The following NELL2 variants were observed in gnomAD, a reference collection of about 807,000 sequenced individuals.
NELL2 encodes the protein protein kinase C-binding protein NELL2.
A neutral mutation model predicts 109.6 loss-of-function variants in NELL2; 41 were observed. That is an observed-to-expected ratio of 0.37 (90% CI 0.29 to 0.49). NELL2 has a LOEUF of 0.49. Ranked by LOEUF, NELL2 falls within the 20% of genes least tolerant of loss-of-function variation. NELL2 has a pLI of 0.98. For missense variants in NELL2, 900 were observed against 1,008.3 expected (o/e 0.89, Z 1.45); for synonymous variants, 355 against 344.7 (o/e 1.03, Z -0.33).
intron 13 of NELL2, among the ~76,000 whole-genome samples, chr12:44,643,182 T>C (rs1344299522): frequency 1.3e-5 from 2 of 152,128 alleles, no homozygotes; most frequent in East Asian, 3.9e-4. Flanking sequence ...CCTAAGAATA[T>C]TATCAGGGAG....
At chr12:44,736,073 C>T (rs1035647346) in intron 9 of NELL2, among the ~76,000 whole-genome samples, 1 of 145,644 alleles carries the variant, frequency 6.9e-6, no homozygotes, top group Admixed American at 7.0e-5. Flanking sequence ...CGCAGTGGCG[C>T]GATCTTGACT....
At chr12:44,585,166 A>G (rs1296258364) in intron 15 of NELL2, among the ~76,000 whole-genome samples, 1 of 152,262 alleles carries the variant, frequency 6.6e-6, no homozygotes, top group Non-Finnish European at 1.5e-5. Context: ...TCCAATGTTC[A>G]TACAATTTAA....
intron 2 of NELL2, among the ~76,000 whole-genome samples, chr12:44,837,540 G>T (rs532733909): frequency 2.0e-5 from 3 of 152,266 alleles, no homozygotes; most frequent in African/African-American, 7.2e-5. Flanking sequence ...GGCCAGATGA[G>T]CGTATGACAG....
At chr12:44,741,027 A>C (rs1566280199) in intron 9 of NELL2, among the ~76,000 whole-genome samples, 1 of 152,148 alleles carries the variant, frequency 6.6e-6, no homozygotes, top group Non-Finnish European at 1.5e-5. Context: ...GAACAACATG[A>C]GATTGAACTA....
chr12:44,644,610 A>ATATATATATATATATG (rs1947010208), intron 13 of NELL2, among the ~76,000 whole-genome samples: 1 of 84,532 alleles, frequency 1.2e-5, no homozygotes, highest in Non-Finnish European at 2.3e-5. Flanking sequence ...ATATGTATGT[A>ATATATATATATATATG]TATATATATA....
At chr12:44,762,695 C>A (rs1378742205) in intron 9 of NELL2, among the ~76,000 whole-genome samples, 1 of 152,202 alleles carries the variant, frequency 6.6e-6, no homozygotes, top group East Asian at 1.9e-4. Flanking sequence ...TCTCAGCTTA[C>A]ACATTCCTCT....
intron 13 of NELL2, among the ~76,000 whole-genome samples, chr12:44,611,274 GTA>G (rs1220934787): frequency 1.3e-5 from 2 of 152,062 alleles, no homozygotes; most frequent in Non-Finnish European, 2.9e-5. Context: ...AAAGTCAGCT[GTA>G]TACAGTTAAT....
In NELL2 at chr12:44,741,517, C is replaced by T. The variant is rs536467596; in HGVS notation, c.995-26776G>A. Among the ~76,000 whole-genome samples the T allele has an allele frequency of 5.3e-5, 8 of 152,316 alleles. No individual in the cohort carries two copies. In the East Asian group the frequency reaches 5.8e-4, roughly 11 times the overall value. On this transcript the variant is annotated intron_variant, in intron 9 of 19. Transcript: ENST00000429094. ...AAGCAGGGCGAGGCATCGCCTCACC[C>T]GGGAAGTGCAAGGGGTCAGGGAATT...
chr12:44,848,092 T>C lies in NELL2; in HGVS notation c.184+27133A>G, dbSNP rs530568164. Among the ~76,000 whole-genome samples the C allele has an allele frequency of 2.7e-5, 4 of 149,480 alleles. No individual in the cohort carries two copies. In the South Asian group the frequency reaches 8.5e-4, roughly 32 times the overall value. On this transcript the variant is annotated intron_variant, in intron 2 of 19. Coordinates refer to ENST00000429094, the MANE Select transcript of NELL2 (RefSeq NM_001145108.2). Reference sequence around the variant, plus strand: ...CCCACTTCCTGTTGACTCAGGAAGATGATGGCTGTGGGGGCTGCAGTGTAT... The same window carrying C: ...CCCACTTCCTGTTGACTCAGGAAGACGATGGCTGTGGGGGCTGCAGTGTAT...
intron 13 of NELL2, among the ~76,000 whole-genome samples, chr12:44,665,069 A>T (rs1397514388): frequency 2.6e-5 from 4 of 151,814 alleles, no homozygotes. Context: ...GCTCATTTAT[A>T]TTTAATAGTC....
At chr12:44,723,826 C>T (rs983481991) in intron 9 of NELL2, among the ~76,000 whole-genome samples, 7 of 151,908 alleles carry the variant, frequency 4.6e-5, no homozygotes, top group African/African-American at 1.7e-4. Flanking sequence ...TATGGAAAGC[C>T]GTTTGTAGAG....
At chr12:44,521,809 T>A (rs1422511981) in intron 18 of NELL2, among the ~76,000 whole-genome samples, 191 bp downstream of exon 18, 44 of 151,900 alleles carry the variant, frequency 2.9e-4, no homozygotes, top group Non-Finnish European at 8.8e-5. Context: ...TTGTACCACA[T>A]CTACCTCAGA....
intron 2 of NELL2, among the ~76,000 whole-genome samples, chr12:44,845,854 A>G (rs2055675): frequency 0.86 from 130,839 of 152,130 alleles, 56,491 homozygotes; most frequent in Middle Eastern, 0.95. Flanking sequence ...AATTCAATTT[A>G]CCTCCACTTC....
intron 2 of NELL2, among the ~76,000 whole-genome samples, chr12:44,824,950 T>C (rs536916828): frequency 2.0e-5 from 3 of 152,042 alleles, no homozygotes; most frequent in Non-Finnish European, 2.9e-5. Context: ...GACCTCGTGA[T>C]CCACCCATCT....
chr12:44,812,512 T>A (rs564032887), intron 3 of NELL2, among the ~76,000 whole-genome samples: 1 of 152,218 alleles, frequency 6.6e-6, no homozygotes, highest in Admixed American at 6.5e-5. Flanking sequence ...GATTTGTATA[T>A]GTTTCATTTT....
chr12:44,684,761 G>C (rs935622842), intron 12 of NELL2, among the ~76,000 whole-genome samples: 1 of 152,160 alleles, frequency 6.6e-6, no homozygotes, highest in African/African-American at 2.4e-5. Flanking sequence ...GTTCTAGTTT[G>C]ATTGCACTGT....
chr12:44,550,546 C>CATAA (rs61282621), intron 15 of NELL2, among the ~76,000 whole-genome samples: 35,400 of 138,818 alleles, frequency 0.26, 4,741 homozygotes, highest in Middle Eastern at 0.27. Flanking sequence ...TCCATCTCAA[C>CATAA]ATAAATAAAT....
intron 2 of NELL2, among the ~76,000 whole-genome samples, chr12:44,830,080 AG>A (rs1943839967): frequency 6.6e-6 from 1 of 152,220 alleles, no homozygotes; most frequent in Admixed American, 6.5e-5. Context: ...AACAAGATGA[AG>A]GTAAGATTTC....
intron 9 of NELL2, among the ~76,000 whole-genome samples, chr12:44,738,781 T>C (rs958186322): frequency 1.3e-5 from 2 of 152,218 alleles, no homozygotes; most frequent in Non-Finnish European, 2.9e-5. Context: ...ACGTATTGTA[T>C]ACTTGAAACG....
Sources: allele counts gnomAD v4.1 joint callset (sites outside exome capture counted in the v4.1 genomes callset), GRCh38; gene constraint gnomAD v4.1.1; transcripts MANE v1.5; gene names NCBI Gene and HGNC (gene_info 2026-07-23, HGNC 2026-07-21).